The following SLC15A5 variants were observed in gnomAD, a reference collection of about 807,000 sequenced individuals.
The protein encoded by SLC15A5 is solute carrier family 15 member 5.
In SLC15A5, 58 loss-of-function variants were observed where a neutral mutation model predicts 56.1. The observed-to-expected ratio is 1.03, with a 90% CI of 0.84 to 1.29. The LOEUF is 1.29. SLC15A5 is among the 50% of genes most tolerant of loss of function. The pLI is 0.00. For synonymous variants in SLC15A5, 264 were observed against 250.5 expected, an observed-to-expected ratio of 1.05 and a Z score of -0.51; for missense variants, 681 against 672.1, an observed-to-expected ratio of 1.01 and a Z score of -0.15.
chr12:16,257,509 T>A (rs983773451), intron 3 of SLC15A5, among the ~76,000 whole-genome samples, 192 bp downstream of exon 3: 2 of 152,180 alleles, frequency 1.3e-5, no homozygotes, highest in African/African-American at 2.4e-5. Context: ...GCCATTAGAA[T>A]CCCATTGCAA....
At chr12:16,232,919 A>C (rs796431785) in intron 5 of SLC15A5, among the ~76,000 whole-genome samples, 1 of 151,880 alleles carries the variant, frequency 6.6e-6, no homozygotes, top group African/African-American at 2.4e-5. Flanking sequence ...CTGTCTAAAA[A>C]AGAAAAAAAG....
chr12:16,252,159 C>T (rs1114813), intron 3 of SLC15A5, among the ~76,000 whole-genome samples: 25,185 of 151,840 alleles, frequency 0.17, 2,398 homozygotes, highest in Non-Finnish European at 0.21. Context: ...CAGGAAACTA[C>T]CTTAACATAA....
At chr12:16,221,722 A>G (rs563286004) in intron 6 of SLC15A5, among the ~76,000 whole-genome samples, 6 of 152,180 alleles carry the variant, frequency 3.9e-5, no homozygotes, top group Non-Finnish European at 5.9e-5. Context: ...GGGGCAGGAG[A>G]GGAAGCAGGG....
chr12:16,217,664 C>G (rs1864143417), intron 6 of SLC15A5, among the ~76,000 whole-genome samples: 1 of 152,088 alleles, frequency 6.6e-6, no homozygotes, highest in African/African-American at 2.4e-5. Context: ...CTCGTAGGTC[C>G]TGGGTCCTGA....
intron 7 of SLC15A5, among the ~76,000 whole-genome samples, chr12:16,207,873 G>A (rs999287422): frequency 4.9e-4 from 75 of 152,092 alleles, no homozygotes; most frequent in Admixed American, 6.5e-4. Flanking sequence ...GGCTGGTCTC[G>A]AACTCCTGAC....
intron 5 of SLC15A5, among the ~76,000 whole-genome samples, chr12:16,238,490 C>T (rs919293901): frequency 1.1e-4 from 17 of 151,816 alleles, no homozygotes; most frequent in Admixed American, 1.1e-3. Context: ...ATTAGCCAGG[C>T]GTGGTGGTGG....
intron 5 of SLC15A5, among the ~76,000 whole-genome samples, chr12:16,233,703 C>T (rs1447474314): frequency 6.6e-6 from 1 of 152,152 alleles, no homozygotes; most frequent in Non-Finnish European, 1.5e-5. Flanking sequence ...GTCTTTTGGG[C>T]CACTTTCTTT....
At chr12:16,258,791 T>A (rs1430511738) in intron 2 of SLC15A5, among the ~76,000 whole-genome samples, 1 of 152,020 alleles carries the variant, frequency 6.6e-6, no homozygotes, top group Non-Finnish European at 1.5e-5. Flanking sequence ...AGTCAACTGA[T>A]GAGAAACCCC....
chr12:16,264,701 C>T (rs945309237), intron 2 of SLC15A5, among the ~76,000 whole-genome samples: 1 of 152,172 alleles, frequency 6.6e-6, no homozygotes, highest in African/African-American at 2.4e-5. Flanking sequence ...ACATCTTTCC[C>T]ATGCTGTTCT....
chr12:16,254,255 CAT>C (rs1025423161), intron 3 of SLC15A5, among the ~76,000 whole-genome samples: 2 of 152,034 alleles, frequency 1.3e-5, no homozygotes, highest in African/African-American at 2.4e-5. Context: ...TGATTCCACT[CAT>C]ATGAAGTAGC....
intron 2 of SLC15A5, among the ~76,000 whole-genome samples, chr12:16,259,024 CTTTTTTTTTTTTTTTTTTTT>C (rs5796661): frequency 1.6e-5 from 1 of 63,218 alleles, no homozygotes; most frequent in Non-Finnish European, 2.7e-5. Context: ...TCTTTCTTTC[CTTTTTTTTTTTTTTTTTTTT>C]TTTTTGCGAC....
In SLC15A5 at chr12:16,239,872, A is replaced by G. The variant is rs1259920982; in HGVS notation, c.976-5T>C. The G allele has an allele frequency of 1.3e-6, 2 of 1,535,402 alleles. No homozygotes were observed. The highest frequency in any genetic ancestry group is 1.7e-6 in the Non-Finnish European group (2 of 1,146,002). ...CAGATAATATCCTGAAGGAATCTGTATTCGAGAGGGAAACATCCATGCATT... is the reference window on the plus strand; with the variant it reads ...CAGATAATATCCTGAAGGAATCTGTGTTCGAGAGGGAAACATCCATGCATT... On this transcript the variant is annotated splice_region_variant and splice_polypyrimidine_tract_variant and intron_variant, in intron 4 of 8. Coordinates refer to ENST00000344941, the MANE Select transcript of SLC15A5 (RefSeq NM_001170798.1).
In SLC15A5 at chr12:16,258,631, T is replaced by C. The variant is rs186204347; in HGVS notation, c.585-761A>G. Among the ~76,000 whole-genome samples the C allele has an allele frequency of 9.2e-5, 14 of 152,320 alleles. No individual in the cohort carries two copies. The East Asian group carries it at 2.7e-3, about 29-fold the overall frequency. On this transcript the variant is annotated intron_variant, in intron 2 of 8. Coordinates refer to ENST00000344941, the MANE Select transcript of SLC15A5 (RefSeq NM_001170798.1). ...TAACTTATATACATATTAGTTTTTT[T>C]AAGTGTTTCAGTTGTGCAAGCCTTA...
intron 7 of SLC15A5, among the ~76,000 whole-genome samples, chr12:16,209,067 C>T (rs1338143174): frequency 6.8e-6 from 1 of 146,880 alleles, no homozygotes; most frequent in Non-Finnish European, 1.5e-5. Flanking sequence ...TTAATCCAAT[C>T]TAGTTTTCAT....
chr12:16,273,032 T>C (rs1184884033), intron 1 of SLC15A5, among the ~76,000 whole-genome samples: 2 of 152,076 alleles, frequency 1.3e-5, no homozygotes, highest in African/African-American at 4.8e-5. Context: ...AACTATGTTT[T>C]CTCTCAGAAT....
At chr12:16,193,858 T>C (rs950055559) in intron 8 of SLC15A5, among the ~76,000 whole-genome samples, 1 of 135,284 alleles carries the variant, frequency 7.4e-6, no homozygotes, top group East Asian at 2.3e-4. Context: ...TGGCAATGGA[T>C]GGGTGGATGG....
intron 6 of SLC15A5, among the ~76,000 whole-genome samples, chr12:16,221,355 A>AAGCTT (rs1864186492): frequency 6.6e-6 from 1 of 152,220 alleles, no homozygotes; most frequent in African/African-American, 2.4e-5. Context: ...AAGTGATGGA[A>AAGCTT]TGCTCAAGGA....
rs973043248 is a variant in SLC15A5 at position 16,196,189 on chromosome 12, T to C, written c.1484-1736A>G. 6.6e-6 allele frequency among the ~76,000 whole-genome samples: 1 copy of C among 152,116 alleles called. No homozygotes were observed. The highest frequency in any genetic ancestry group is 1.5e-5 in the Non-Finnish European group (1 of 68,016). On this transcript the variant is annotated intron_variant, in intron 7 of 8. Coordinates refer to ENST00000344941, the MANE Select transcript of SLC15A5 (RefSeq NM_001170798.1). This position sits in a 1 kb window ranked among gnomAD's most constrained non-coding sequence, Gnocchi z 4.0. ...TGATAGGTATAAATAAGTATTACTA[T>C]ACCTATTTTGTGGTTCCACTTTACC... is the stretch of plus-strand genomic sequence containing the variant.
chr12:16,229,131 C>T (rs2136251577), intron 5 of SLC15A5, among the ~76,000 whole-genome samples: 1 of 152,344 alleles, frequency 6.6e-6, no homozygotes, highest in East Asian at 1.9e-4. Flanking sequence ...AAGCACCCAG[C>T]AGCCAGATTG....
Sources: allele counts gnomAD v4.1 joint callset (sites outside exome capture counted in the v4.1 genomes callset), GRCh38; gene constraint gnomAD v4.1.1; non-coding constraint Gnocchi (gnomAD v3.1); transcripts MANE v1.5; gene names NCBI Gene and HGNC (gene_info 2026-07-23, HGNC 2026-07-21).